The following TRPM3 variants were observed in gnomAD, a reference collection of about 807,000 sequenced individuals.
The protein encoded by TRPM3 is transient receptor potential cation channel subfamily M member 3.
In TRPM3, 77 loss-of-function variants were observed where a neutral mutation model predicts 181.2. The observed-to-expected ratio is 0.42, with a 90% CI of 0.35 to 0.51. The LOEUF is 0.51. TRPM3 is among the 20% of genes least tolerant of loss of function. TRPM3 has a pLI of 0.01. For missense variants in TRPM3, 1,759 were observed against 2,196.7 expected (o/e 0.80, Z 3.98); for synonymous variants, 745 against 796.4 (o/e 0.94, Z 1.09).
At chr9:70,908,291 T>A (rs1223866250) in intron 1 of TRPM3, among the ~76,000 whole-genome samples, 1 of 152,204 alleles carries the variant, frequency 6.6e-6, no homozygotes, top group East Asian at 1.9e-4. Context: ...TTGCTACAGA[T>A]AATGAGAATC....
chr9:71,070,662 G>T (rs906064732), intron 1 of TRPM3, among the ~76,000 whole-genome samples: 3 of 152,158 alleles, frequency 2.0e-5, no homozygotes, highest in Non-Finnish European at 2.9e-5. Flanking sequence ...AAATGATGAG[G>T]TTTGGAGAGG....
chr9:70,695,965 G>A (rs1157338915), intron 8 of TRPM3, among the ~76,000 whole-genome samples: 3 of 152,176 alleles, frequency 2.0e-5, no homozygotes, highest in African/African-American at 7.2e-5. Context: ...GAGGGCAAGG[G>A]AAAGAACTTG....
At chr9:71,392,205 C>T (rs1433744338) in intron 1 of TRPM3, among the ~76,000 whole-genome samples, 3 of 152,124 alleles carry the variant, frequency 2.0e-5, no homozygotes, top group Non-Finnish European at 4.4e-5. Flanking sequence ...ACAAACACTG[C>T]ACCTACAAAG....
At chr9:70,952,055 C>A (rs927465664) in intron 1 of TRPM3, among the ~76,000 whole-genome samples, 1 of 152,132 alleles carries the variant, frequency 6.6e-6, no homozygotes, top group Non-Finnish European at 1.5e-5. Context: ...AATGCAATGC[C>A]CTGGTTTGAA....
chr9:71,185,377 T>C (rs1007804374), intron 1 of TRPM3, among the ~76,000 whole-genome samples: 38 of 152,236 alleles, frequency 2.5e-4, no homozygotes, highest in Middle Eastern at 3.4e-3. Flanking sequence ...GTAGCAATTC[T>C]ACAAATATCT....
intron 22 of TRPM3, among the ~76,000 whole-genome samples, chr9:70,570,520 G>A (rs538162654): frequency 6.6e-6 from 1 of 152,166 alleles, no homozygotes; most frequent in South Asian, 2.1e-4. Context: ...TGTTGGCCAG[G>A]CTGGTCTCGA....
chr9:70,595,603 A>G (rs2058870681), intron 21 of TRPM3, among the ~76,000 whole-genome samples: 1 of 152,198 alleles, frequency 6.6e-6, no homozygotes, highest in Admixed American at 6.5e-5. Flanking sequence ...CCACTTGAAA[A>G]TACATTTGAG....
intron 1 of TRPM3, among the ~76,000 whole-genome samples, chr9:71,187,969 A>C (rs180729653): frequency 1.1e-4 from 17 of 151,886 alleles, no homozygotes; most frequent in Non-Finnish European, 1.0e-4. Flanking sequence ...ATTTTTTAAA[A>C]AAGTTAACCA....
intron 1 of TRPM3, among the ~76,000 whole-genome samples, chr9:71,103,777 G>A (rs750270341): frequency 6.6e-6 from 1 of 152,116 alleles, no homozygotes; most frequent in Non-Finnish European, 1.5e-5. Flanking sequence ...CGCATAGCAC[G>A]TACCTGGAAC....
At chr9:71,069,254 C>G (rs77603708) in intron 1 of TRPM3, among the ~76,000 whole-genome samples, 4,746 of 152,218 alleles carry the variant, frequency 0.031, 123 homozygotes, top group Non-Finnish European at 0.049. Flanking sequence ...GCCATCTCGG[C>G]CCACCTCTGC....
intron 17 of TRPM3, among the ~76,000 whole-genome samples, chr9:70,618,155 G>T (rs1016549307): frequency 3.9e-5 from 6 of 151,974 alleles, no homozygotes; most frequent in African/African-American, 1.5e-4. Flanking sequence ...CATAAAAAAA[G>T]CAAACGCTAT....
intron 1 of TRPM3, among the ~76,000 whole-genome samples, chr9:71,223,734 T>G (rs1054940231): frequency 8.5e-5 from 13 of 152,132 alleles, no homozygotes; most frequent in African/African-American, 2.9e-4. Flanking sequence ...GAAGAATCCT[T>G]GGGGGATACC....
At chr9:70,636,805 A>G (rs1453343950) in intron 11 of TRPM3, among the ~76,000 whole-genome samples, 1 of 150,608 alleles carries the variant, frequency 6.6e-6, no homozygotes, top group African/African-American at 2.4e-5. Context: ...CTCCTGTCTC[A>G]GCCTCTGGAG....
intron 6 of TRPM3, among the ~76,000 whole-genome samples, chr9:70,804,628 TC>T (rs1473640268): frequency 6.6e-6 from 1 of 152,098 alleles, no homozygotes; most frequent in African/African-American, 2.4e-5. Flanking sequence ...TGCTATTTCC[TC>T]CTTACCTACC....
intron 9 of TRPM3, among the ~76,000 whole-genome samples, chr9:70,646,374 G>A (rs1417933566): frequency 6.6e-6 from 1 of 152,186 alleles, no homozygotes; most frequent in East Asian, 1.9e-4. Context: ...ATACACTATG[G>A]AATACTATGC....
intron 1 of TRPM3, among the ~76,000 whole-genome samples, chr9:71,328,926 G>A (rs1480529155): frequency 6.6e-6 from 1 of 152,142 alleles, no homozygotes; most frequent in African/African-American, 2.4e-5. Flanking sequence ...ACTCACATAT[G>A]GACAATGCTG....
rs553618769 is a variant in TRPM3 at position 71,081,594 on chromosome 9, T to G, written c.177+39584A>C. On this transcript the variant is annotated intron_variant, in intron 1 of 25. Transcript: ENST00000677713. ...AAGAATCCTTTATGGAAGATTTTTA[T>G]GGCGTTACTAAGAAAATGTGACTTT... Among the ~76,000 whole-genome samples, 6 of 152,298 alleles carry G rather than the reference T, an allele frequency of 3.9e-5. No individual in the cohort carries two copies. The South Asian group carries it at 1.2e-3, about 32-fold the overall frequency.
Position 71,149,123 on chromosome 9 carries a change from G to A in TRPM3, c.184-284612C>T, listed in dbSNP as rs142847951. ...GTGAGAAGAAGTGAAAATATAGGCC[G>A]GAGTGGTAGCTCACACCTGTAATCC... On this transcript the variant is annotated intron_variant, in intron 1 of 24. Transcript: ENST00000357533. 3.8e-4 allele frequency among the ~76,000 whole-genome samples: 58 copies of A among 152,234 alleles called. 1 individual carries two copies. Among genetic ancestry groups the A allele is most frequent in the African/African-American group, 1.2e-3 (51 of 41,554 alleles).
At chr9:71,168,334 C>T (rs999847527) in intron 1 of TRPM3, among the ~76,000 whole-genome samples, 2 of 152,058 alleles carry the variant, frequency 1.3e-5, no homozygotes, top group South Asian at 2.1e-4. Flanking sequence ...AGGACAGATC[C>T]TATACCATCT....
Sources: allele counts gnomAD v4.1 joint callset (sites outside exome capture counted in the v4.1 genomes callset), GRCh38; gene constraint gnomAD v4.1.1; transcripts MANE v1.5; gene names NCBI Gene and HGNC (gene_info 2026-07-23, HGNC 2026-07-21).